IQSEC1: variants seen among roughly 807,000 people sequenced by gnomAD.
The protein encoded by IQSEC1 is IQ motif and Sec7 domain ArfGEF 1, also known as IQ motif and SEC7 domain-containing protein 1.
Under a neutral mutation model 91.0 loss-of-function variants are expected in IQSEC1, and 31 were observed. That is an observed-to-expected ratio of 0.34 (90% confidence interval 0.26 to 0.46). The LOEUF is 0.46. Ranked by LOEUF, IQSEC1 falls within the 20% of genes least tolerant of loss-of-function variation. The pLI, the probability that IQSEC1 is intolerant of heterozygous loss-of-function variation, is 1.00. For synonymous variants in IQSEC1, 699 were observed against 662.6 expected (o/e 1.05, Z -0.84); for missense variants, 1,388 against 1,575.6 (o/e 0.88, Z 2.02).
intron 1 of IQSEC1, among the ~76,000 whole-genome samples, chr3:13,237,002 G>A (rs573412975): frequency 2.0e-4 from 30 of 152,346 alleles, no homozygotes; most frequent in African/African-American, 6.5e-4. Flanking sequence ...ACACCTGCCC[G>A]AGGAGGGGCT....
At chr3:13,072,089 A>AG (rs1346913247) in intron 1 of IQSEC1, among the ~76,000 whole-genome samples, 1 of 152,308 alleles carries the variant, frequency 6.6e-6, no homozygotes, top group Non-Finnish European at 1.5e-5. Context: ...TCCTTTTCCT[A>AG]GCCTTGCGAC....
Position 12,922,025 on chromosome 3 carries a change from T to C in IQSEC1, c.1853+95A>G. 1.4e-6 allele frequency: 2 copies of C among 1,418,928 alleles called. No individual in the cohort carries two copies. Among genetic ancestry groups the C allele is most frequent in the South Asian group, 2.9e-5 (2 of 69,640 alleles). The allele number at this position is 1,418,928 out of a possible 1,614,324, so 87.9% of individuals were successfully genotyped here. On this transcript the variant is annotated intron_variant, in intron 5 of 13. Coordinates refer to ENST00000613206, the MANE Select transcript of IQSEC1 (RefSeq NM_001134382.3). This position sits in a 1 kb window ranked among gnomAD's most constrained non-coding sequence, Gnocchi z 5.1. The stretch of plus-strand genomic sequence containing the variant: ...AGGGACACCTGGCCCTGTCTAGGGA[T>C]GGTGGGGATGCAGTCTTTGGTCCAT...
At chr3:13,040,570 G>A (rs1704223058) in intron 1 of IQSEC1, among the ~76,000 whole-genome samples, 1 of 152,190 alleles carries the variant, frequency 6.6e-6, no homozygotes, top group African/African-American at 2.4e-5. Context: ...GTGACTCTCA[G>A]TTTGCCACTT....
chr3:13,218,306 A>G (rs547187984), intron 1 of IQSEC1, among the ~76,000 whole-genome samples: 133 of 152,356 alleles, frequency 8.7e-4, no homozygotes, highest in Non-Finnish European at 1.5e-3. Context: ...TTTTAATCCC[A>G]TTAGTCCCCA....
chr3:13,072,909 A>C (rs1443538938), intron 1 of IQSEC1, 83 bp downstream of exon 1: 1 of 1,277,606 alleles, frequency 7.8e-7, no homozygotes, highest in African/African-American at 1.5e-5. Flanking sequence ...CCCTCCCCCA[A>C]CGATGCCCCT....
At chr3:13,141,051 G>A (rs1010890759) in intron 2 of IQSEC1, among the ~76,000 whole-genome samples, 1 of 152,224 alleles carries the variant, frequency 6.6e-6, no homozygotes, top group African/African-American at 2.4e-5. Context: ...CAGTAATCCC[G>A]CTCACTCCAT....
At chr3:12,901,682 C>T (rs777588474) in intron 13 of IQSEC1, among the ~76,000 whole-genome samples, 160 bp from the exon 14 acceptor site, 21 of 151,862 alleles carry the variant, frequency 1.4e-4, no homozygotes, top group Non-Finnish European at 2.1e-4. Flanking sequence ...GACTGGGCCC[C>T]GCCTCCTCTC....
chr3:13,000,154 C>G (rs1182486711), intron 1 of IQSEC1, among the ~76,000 whole-genome samples: 1 of 152,088 alleles, frequency 6.6e-6, no homozygotes, highest in African/African-American at 2.4e-5. Flanking sequence ...AAATGAACAA[C>G]TCAAAATAAA....
At position 12,909,453 on chromosome 3, in the gene IQSEC1, G is replaced by A; in HGVS notation, c.2417-19C>T. 6.2e-7 allele frequency: 1 copy of A among 1,610,292 alleles called. No individual in the cohort carries two copies. The highest frequency in any genetic ancestry group is 8.5e-7 in the Non-Finnish European group (1 of 1,177,472). ...GGGTAGTCTGCAAAAGGGAAGGAGAGGGGAGGAGGCCCACGGGTCTCAGTG... is the reference window on the plus strand; with the variant it reads ...GGGTAGTCTGCAAAAGGGAAGGAGAAGGGAGGAGGCCCACGGGTCTCAGTG... On this transcript the variant is annotated intron_variant, in intron 10 of 13. Transcript: ENST00000613206. This position sits in a 1 kb window ranked among gnomAD's most constrained non-coding sequence, Gnocchi z 4.9.
Position 12,936,744 on chromosome 3 carries a change from G to A in IQSEC1, c.319-47C>T, listed in dbSNP as rs1280805368. On this transcript the variant is annotated intron_variant, in intron 2 of 13. Transcript: ENST00000613206. ...GAGAACAGCACTGCATGTAGGCACAGTGCGACATTTACCAAACTCCTTCCC... is the reference window on the plus strand; with the variant it reads ...GAGAACAGCACTGCATGTAGGCACAATGCGACATTTACCAAACTCCTTCCC... 2.1e-5 allele frequency: 31 copies of A among 1,479,244 alleles called. 1 individual carries two copies. The Admixed American group carries it at 6.7e-4, about 32-fold the overall frequency. The allele number at this position is 1,479,244 out of a possible 1,614,324, so 91.6% of individuals were successfully genotyped here.
intron 1 of IQSEC1, among the ~76,000 whole-genome samples, chr3:13,190,386 C>G (rs6785827): frequency 0.24 from 36,361 of 151,858 alleles, 5,400 homozygotes; most frequent in African/African-American, 0.42. Flanking sequence ...GGGTTGAGAG[C>G]AAAACCTCAT....
At chr3:12,989,450 G>A (rs908710089) in intron 1 of IQSEC1, among the ~76,000 whole-genome samples, 3 of 152,196 alleles carry the variant, frequency 2.0e-5, no homozygotes, top group African/African-American at 7.2e-5. Flanking sequence ...CTTAGGAGGT[G>A]GGTACCATCA....
At chr3:13,174,047 TAC>T (rs1394036605) in intron 1 of IQSEC1, among the ~76,000 whole-genome samples, 5 of 152,246 alleles carry the variant, frequency 3.3e-5, no homozygotes, top group Admixed American at 6.5e-5. Context: ...CATCCTGCTG[TAC>T]AGAGTCTAAC....
chr3:13,109,791 C>CTT lies in IQSEC1; in HGVS notation c.302+54311_302+54312dup, dbSNP rs71991259. Among the ~76,000 whole-genome samples the CTT allele has an allele frequency of 4.8e-4, 70 of 146,402 alleles. No individual in the cohort carries two copies. In the East Asian group the frequency reaches 0.013, roughly 27 times the overall value. ...CTGCAGAACCATGAGCTGATTAAAC[C>CTT]TTTTTTTTTTTTTAAATAAATTACC... On this transcript the variant is annotated intron_variant, in intron 2 of 15. Coordinates refer to the IQSEC1 transcript ENST00000648114.
At chr3:13,029,576 G>A (rs77174293) in intron 1 of IQSEC1, among the ~76,000 whole-genome samples, 2,387 of 152,308 alleles carry the variant, frequency 0.016, 50 homozygotes, top group African/African-American at 0.054. Flanking sequence ...TCTCCATTTT[G>A]TTGTGCTGAG....
At chr3:13,180,138 C>T (rs113335649) in intron 1 of IQSEC1, among the ~76,000 whole-genome samples, 4,838 of 152,320 alleles carry the variant, frequency 0.032, 267 homozygotes, top group African/African-American at 0.1. Context: ...CTCCACCTGC[C>T]GCCCCAGTGC....
chr3:13,052,743 C>T (rs757373507), intron 1 of IQSEC1, among the ~76,000 whole-genome samples: 5 of 152,116 alleles, frequency 3.3e-5, no homozygotes, highest in African/African-American at 2.4e-5. Context: ...TTCAGACAGA[C>T]GTACGTGGTG....
intron 1 of IQSEC1, among the ~76,000 whole-genome samples, chr3:13,038,899 C>T (rs1369955724): frequency 6.6e-6 from 1 of 152,194 alleles, no homozygotes; most frequent in Admixed American, 6.5e-5. Context: ...TATGTACCTA[C>T]AGCAATTTAA....
intron 1 of IQSEC1, among the ~76,000 whole-genome samples, chr3:13,039,860 G>A (rs773288775): frequency 1.3e-5 from 2 of 152,210 alleles, no homozygotes; most frequent in African/African-American, 2.4e-5. Flanking sequence ...CTGCTCAGCT[G>A]GCAGCATGCA....
Sources: allele counts gnomAD v4.1 joint callset (sites outside exome capture counted in the v4.1 genomes callset), GRCh38; gene constraint gnomAD v4.1.1; non-coding constraint Gnocchi (gnomAD v3.1); transcripts MANE v1.5; gene names NCBI Gene and HGNC (gene_info 2026-07-23, HGNC 2026-07-21).